Variants in NUP214 observed in about 807,000 individuals in gnomAD.
NUP214 encodes the protein nucleoporin 214.
In NUP214, 79 loss-of-function variants were observed where a neutral mutation model predicts 196.2. The observed-to-expected ratio is 0.40, with a 90% CI of 0.34 to 0.49. NUP214 has a LOEUF of 0.49. Ranked by LOEUF, NUP214 falls within the 20% of genes least tolerant of loss-of-function variation. NUP214 has a pLI of 0.58. For missense variants in NUP214, 2,468 were observed against 2,539.0 expected, an observed-to-expected ratio of 0.97 and a Z score of 0.60; for synonymous variants, 1,020 against 990.5, an observed-to-expected ratio of 1.03 and a Z score of -0.56.
At chr9:131,167,133 G>A (rs1230609563) in intron 21 of NUP214, 1 of 152,156 alleles carries the variant, frequency 6.6e-6, no homozygotes, top group Non-Finnish European at 1.5e-5. Flanking sequence ...TGTGTAAGTT[G>A]TCATTCTCTT....
Position 131,192,169 on chromosome 9 carries a change from C to CTTTTTTTTTTTTTT in NUP214, c.3575-26_3575-13dup, listed in dbSNP as rs66652901. Reference sequence around the variant, plus strand: ...AGTGTTTCTGTCTTTTTGTAATATTCTTTTTTTTTTTTTTTTTTTTTTTTT... The same window carrying CTTTTTTTTTTTTTT: ...AGTGTTTCTGTCTTTTTGTAATATTCTTTTTTTTTTTTTTTTTTTTTTTTTTTTTTTTTTTTTTT... On this transcript the variant is annotated intron_variant, in intron 26 of 35. Coordinates refer to ENST00000359428, the MANE Select transcript of NUP214 (RefSeq NM_005085.4). The CTTTTTTTTTTTTTT allele has an allele frequency of 1.6e-5, 7 of 447,484 alleles. 1 individual carries two copies. Among genetic ancestry groups the CTTTTTTTTTTTTTT allele is most frequent in the East Asian group, 8.7e-5 (1 of 11,554 alleles). 27.7% of individuals were successfully genotyped at this position (447,484 alleles called of 1,614,324 possible). A position where few individuals can be genotyped will look rare whatever the true frequency, so the allele number is the denominator to read the frequency against.
intron 9 of NUP214, among the ~76,000 whole-genome samples, chr9:131,138,172 TCTTTC>T (rs1310888043): frequency 6.6e-6 from 1 of 151,044 alleles, no homozygotes; most frequent in Admixed American, 6.6e-5. Context: ...TCCTTCCTTC[TCTTTC>T]CTTCTCCTTC....
intron 27 of NUP214, 58 bp downstream of exon 27, chr9:131,192,350 T>C: frequency 1.0e-6 from 1 of 1,004,326 alleles, no homozygotes; most frequent in Non-Finnish European, 1.5e-6. Context: ...CCCCAAATCT[T>C]ACAATTATAG....
At position 131,132,704 on chromosome 9, in the gene NUP214, A is replaced by G. The variant is rs756061424; in HGVS notation, c.727+45A>G. On this transcript the variant is annotated intron_variant, in intron 6 of 35. Transcript: ENST00000359428. ...TTGGGCTGACCTCTAATGACATGTT[A>G]TGTATATTACAGAAATTCAAAATCA... 35 of 1,509,436 alleles carry G rather than the reference A, an allele frequency of 2.3e-5. No homozygotes were observed. In the Admixed American group the frequency reaches 5.1e-4, roughly 22 times the overall value. 93.5% of individuals were successfully genotyped at this position (1,509,436 alleles called of 1,614,324 possible).
At chr9:131,230,051 T>G (rs769303802) in intron 33 of NUP214, 14 of 258,850 alleles carry the variant, frequency 5.4e-5, no homozygotes, top group Non-Finnish European at 9.1e-5. Flanking sequence ...GGACCATATC[T>G]GGAGGGAGAA....
intron 21 of NUP214, 62 bp downstream of exon 21, chr9:131,164,206 TGC>T: frequency 1.4e-6 from 2 of 1,440,380 alleles, no homozygotes; most frequent in Non-Finnish European, 2.0e-6. Flanking sequence ...TGTGTGTGTG[TGC>T]GCGCGCACAT....
In NUP214 at chr9:131,195,457, GA is replaced by G. The variant is rs1324532099; in HGVS notation, c.3721+166del. 5.3e-4 allele frequency: 255 copies of G among 483,388 alleles called. 1 individual carries two copies. Among genetic ancestry groups the G allele is most frequent in the Admixed American group, 7.9e-4 (20 of 25,272 alleles). The allele number at this position is 483,388 out of a possible 1,614,324, so 29.9% of individuals were successfully genotyped here. A position where few individuals can be genotyped will look rare whatever the true frequency, so the allele number is the denominator to read the frequency against. ...TGCATTAGAAATATGCTTAATTTAA[GA>G]AACTGATGTGAAGGATTTCTATTTT... On this transcript the variant is annotated intron_variant, in intron 28 of 35. Transcript: ENST00000359428.
At chr9:131,131,936 A>AC (rs1332447739) in intron 5 of NUP214, among the ~76,000 whole-genome samples, 1 of 151,712 alleles carries the variant, frequency 6.6e-6, no homozygotes, top group Non-Finnish European at 1.5e-5. Flanking sequence ...CAGTGTGCCC[A>AC]CCTTGGCCTT....
chr9:131,188,252 G>T (rs563626369), intron 25 of NUP214, among the ~76,000 whole-genome samples: 2 of 152,328 alleles, frequency 1.3e-5, no homozygotes, highest in Admixed American at 6.5e-5. Flanking sequence ...GTTATGTCTA[G>T]CTTGTCTAGC....
chr9:131,151,595 T>C, intron 16 of NUP214, 141 bp from the exon 17 acceptor site: 1 of 583,534 alleles, frequency 1.7e-6, no homozygotes, highest in Non-Finnish European at 3.0e-6. Context: ...AACAGTTAAA[T>C]TCTTTTTTTA....
rs759786215 is a variant in NUP214 at position 131,163,124 on chromosome 9, T to G, written c.2674T>G (p.Ser892Ala). The G allele has an allele frequency of 6.2e-7, 1 of 1,614,174 alleles. No individual in the cohort carries two copies. Among genetic ancestry groups the G allele is most frequent in the Non-Finnish European group, 8.5e-7 (1 of 1,179,992 alleles). Residue 892 changes from serine (S) to alanine (A), a missense_variant, in exon 19 of 36, where the codon TCC becomes GCC. Ser to Ala is a moderately conservative substitution (Grantham distance 99). Around this residue, in one of 5 missense-constraint regions of NUP214, gnomAD observed 1,801 missense variants for 1,779.4 expected, o/e 1.01. Transcript: ENST00000359428. ...LQQLRLYKQT[S>A]LWSLSSAVPS... is the part of the protein sequence containing the mutation. ...GCAGCTCCGCCTTTACAAACAGACT[T>G]CCCTGTGGAGCCTGTCCTCGGCTGT...
At position 131,198,642 on chromosome 9, in the gene NUP214, A is replaced by G. The variant is rs754211143; in HGVS notation, c.5148A>G (p.Thr1716=). 1.9e-6 allele frequency: 3 copies of G among 1,614,128 alleles called. No homozygotes were observed. Among genetic ancestry groups the G allele is most frequent in the Non-Finnish European group, 2.5e-6 (3 of 1,180,050 alleles). The change falls in exon 29 of 36, where the codon ACA becomes ACG. Residue 1716 remains threonine (T), a synonymous_variant. Transcript: ENST00000359428. ...SGFSSPAFGT[T]APGVFGQTTF... ...TTAGCAGCCCAGCTTTTGGTACCAC[A>G]GCCCCAGGGGTCTTTGGACAGACAA... is the stretch of plus-strand genomic sequence containing the variant.
At chr9:131,132,028 G>A (rs1046365432) in intron 5 of NUP214, among the ~76,000 whole-genome samples, 6 of 152,060 alleles carry the variant, frequency 3.9e-5, no homozygotes, top group African/African-American at 1.2e-4. Flanking sequence ...AGTGCTAGTG[G>A]CGTTGCTGCT....
intron 21 of NUP214, among the ~76,000 whole-genome samples, chr9:131,170,840 G>T (rs1318131457): frequency 6.6e-6 from 1 of 151,086 alleles, no homozygotes; most frequent in Non-Finnish European, 1.5e-5. Flanking sequence ...TTACTTCACT[G>T]GCTAGAACCT....
At chr9:131,223,741 T>A (rs1232552320) in intron 32 of NUP214, among the ~76,000 whole-genome samples, 11 of 50,328 alleles carry the variant, frequency 2.2e-4, no homozygotes, top group African/African-American at 5.6e-4. Context: ...TTTTTTTTTT[T>A]TTTTTTTTTT....
rs746592194 is a variant in NUP214, at chr9:131,197,406, C to T, written c.3912C>T (p.Ser1304=). 17 of 1,614,172 alleles carry T rather than the reference C, an allele frequency of 1.1e-5. No individual in the cohort carries two copies. The highest frequency in any genetic ancestry group is 1.6e-4 in the Middle Eastern group (1 of 6,062). Residue 1304 remains serine, a synonymous_variant, in exon 29 of 36, where the codon TCC becomes TCT. Transcript: ENST00000359428. ...RPVAPSGTAL[S]TTSSKLETPP... ...TGGCACCTTCTGGAACTGCTCTTTC[C>T]ACCACCTCTAGTAAGCTGGAAACCC...
Position 131,198,314 on chromosome 9 carries a change from T to G in NUP214, c.4820T>G (p.Val1607Gly), listed in dbSNP as rs1013635345. The part of the protein sequence containing the change: ...TAAAISSAGP[V>G]AVETSSTPIA... ...GCTGCTATCTCAAGTGCAGGCCCTG[T>G]GGCCGTCGAAACATCAAGTACCCCC... Residue 1607 changes from valine to glycine, a missense_variant, in exon 29 of 36, where the codon GTG becomes GGG. Val to Gly is a moderately radical substitution (Grantham distance 109, BLOSUM62 -3). This residue lies in a region of NUP214 where 1,801 missense variants were observed against 1,779.4 expected (regional missense o/e 1.01). Coordinates refer to ENST00000359428, the MANE Select transcript of NUP214 (RefSeq NM_005085.4). 3 of 1,614,224 alleles carry G rather than the reference T, an allele frequency of 1.9e-6. No individual in the cohort carries two copies. The highest frequency in any genetic ancestry group is 2.5e-6 in the Non-Finnish European group (3 of 1,180,042).
At chr9:131,141,150 A>AC (rs1460780199) in intron 11 of NUP214, among the ~76,000 whole-genome samples, 1 of 152,064 alleles carries the variant, frequency 6.6e-6, no homozygotes, top group Non-Finnish European at 1.5e-5. Flanking sequence ...AAAAAAAAAA[A>AC]ACCACTATTC....
intron 30 of NUP214, among the ~76,000 whole-genome samples, chr9:131,206,161 T>TTTTTTTTTTTTTTTTTTTTTTTTTTTTC (rs1834079790): frequency 7.7e-6 from 1 of 130,368 alleles, no homozygotes; most frequent in Non-Finnish European, 1.7e-5. Flanking sequence ...TTTTTTTTTT[T>TTTTTTTTTTTTTTTTTTTTTTTTTTTTC]TGAGACAGGG....
Sources: allele counts gnomAD v4.1 joint callset (sites outside exome capture counted in the v4.1 genomes callset), GRCh38; gene constraint gnomAD v4.1.1; regional missense constraint gnomAD v4.1.1; transcripts MANE v1.5; gene names NCBI Gene and HGNC (gene_info 2026-07-23, HGNC 2026-07-21).